CCDC148: variants seen among roughly 807,000 people sequenced by gnomAD.
CCDC148 encodes the protein coiled-coil domain-containing protein 148.
Under a neutral mutation model 85.7 loss-of-function variants are expected in CCDC148, and 89 were observed. The observed-to-expected ratio is 1.04, with a 90% confidence interval of 0.87 to 1.24. The LOEUF is 1.24. CCDC148 is among the 50% of genes most tolerant of loss of function. The pLI, the probability that CCDC148 is intolerant of heterozygous loss-of-function variation, is 0.00. For synonymous variants in CCDC148, 230 were observed against 213.9 expected, an observed-to-expected ratio of 1.08 and a Z score of -0.66; for missense variants, 692 against 671.7, an observed-to-expected ratio of 1.03 and a Z score of -0.33.
At chr2:158,199,933 T>G (rs544160265) in intron 11 of CCDC148, among the ~76,000 whole-genome samples, 1 of 152,234 alleles carries the variant, frequency 6.6e-6, no homozygotes, top group Non-Finnish European at 1.5e-5. Flanking sequence ...AATCAAATGT[T>G]CAGGTGAAAT....
At chr2:158,303,212 T>C (rs1394907365) in intron 9 of CCDC148, among the ~76,000 whole-genome samples, 1 of 152,220 alleles carries the variant, frequency 6.6e-6, no homozygotes, top group Non-Finnish European at 1.5e-5. Flanking sequence ...ATAGCTGGCA[T>C]ATTAGTTTTA....
At chr2:158,416,363 C>T (rs570621249) in intron 1 of CCDC148, among the ~76,000 whole-genome samples, 2 of 152,338 alleles carry the variant, frequency 1.3e-5, no homozygotes, top group East Asian at 3.9e-4. Flanking sequence ...CAAATTTTTG[C>T]AGCCAGCTGG....
At chr2:158,178,361 T>TACC (rs888081032) in intron 12 of CCDC148, among the ~76,000 whole-genome samples, 3 of 152,300 alleles carry the variant, frequency 2.0e-5, no homozygotes, top group Admixed American at 1.3e-4. Context: ...CCTTGCCATC[T>TACC]ACCATCCATT....
intron 10 of CCDC148, among the ~76,000 whole-genome samples, chr2:158,228,663 A>G (rs142406707): frequency 0.081 from 12,310 of 152,180 alleles, 686 homozygotes; most frequent in Non-Finnish European, 0.13. Flanking sequence ...TTGTAGGGAC[A>G]TGGATGAAGC....
intron 1 of CCDC148, among the ~76,000 whole-genome samples, chr2:158,419,594 G>C (rs1172357878): frequency 6.6e-6 from 1 of 152,142 alleles, no homozygotes; most frequent in Non-Finnish European, 1.5e-5. Flanking sequence ...TTGTATGCTT[G>C]TTTTGGAGAT....
At chr2:158,346,563 C>T (rs1394680762) in intron 2 of CCDC148, among the ~76,000 whole-genome samples, 3 of 152,204 alleles carry the variant, frequency 2.0e-5, no homozygotes, top group Non-Finnish European at 2.9e-5. Flanking sequence ...AACCGCTCTA[C>T]TCTAAATCCT....
chr2:158,331,097 T>A (rs146949880), intron 7 of CCDC148, among the ~76,000 whole-genome samples: 2,591 of 152,332 alleles, frequency 0.017, 79 homozygotes, highest in African/African-American at 0.059. Flanking sequence ...TTAATTGTGA[T>A]GTTAGGGTGC....
chr2:158,405,205 C>T (rs758015070), intron 1 of CCDC148, among the ~76,000 whole-genome samples: 5 of 152,076 alleles, frequency 3.3e-5, no homozygotes, highest in Non-Finnish European at 5.9e-5. Context: ...CAAGACTTCT[C>T]CTTGTATACA....
chr2:158,248,470 C>T (rs757345554), intron 10 of CCDC148, among the ~76,000 whole-genome samples: 2 of 151,996 alleles, frequency 1.3e-5, no homozygotes, highest in Non-Finnish European at 2.9e-5. Context: ...ATGCCTTGGT[C>T]CTACACAATT....
chr2:158,370,093 A>G (rs769382898), intron 1 of CCDC148, among the ~76,000 whole-genome samples: 14 of 151,988 alleles, frequency 9.2e-5, no homozygotes, highest in Non-Finnish European at 1.9e-4. Context: ...TTTTTACATC[A>G]ATATTCATCA....
intron 10 of CCDC148, among the ~76,000 whole-genome samples, chr2:158,248,262 G>A (rs1688647240): frequency 6.6e-6 from 1 of 152,082 alleles, no homozygotes; most frequent in Non-Finnish European, 1.5e-5. Context: ...AAATGGTACT[G>A]AGGAAGTTCT....
intron 1 of CCDC148, among the ~76,000 whole-genome samples, chr2:158,445,986 A>ATT: frequency 6.6e-6 from 1 of 152,224 alleles, no homozygotes; most frequent in Non-Finnish European, 1.5e-5. Context: ...TAGTCATTAA[A>ATT]ATAGACACTG....
intron 2 of CCDC148, among the ~76,000 whole-genome samples, chr2:158,352,315 T>C (rs1683355608): frequency 6.6e-6 from 1 of 151,652 alleles, no homozygotes; most frequent in African/African-American, 2.4e-5. Flanking sequence ...GGGAAAGAAG[T>C]TGAAAACTTT....
chr2:158,257,280 T>C (rs1689050465), intron 9 of CCDC148, among the ~76,000 whole-genome samples: 1 of 151,808 alleles, frequency 6.6e-6, no homozygotes, highest in African/African-American at 2.4e-5. Flanking sequence ...TTAGAGGACA[T>C]GTGTAAAAAC....
chr2:158,455,639 T>A (rs1688630142), intron 1 of CCDC148, among the ~76,000 whole-genome samples: 1 of 83,868 alleles, frequency 1.2e-5, no homozygotes, highest in African/African-American at 4.2e-5. Context: ...AGTAACATAG[T>A]CTCCTTACTA....
At chr2:158,272,336 G>A (rs1203953736) in intron 9 of CCDC148, among the ~76,000 whole-genome samples, 1 of 152,122 alleles carries the variant, frequency 6.6e-6, no homozygotes, top group Non-Finnish European at 1.5e-5. Flanking sequence ...TCTCATTGAT[G>A]GAGAAGAAGG....
intron 9 of CCDC148, among the ~76,000 whole-genome samples, chr2:158,309,078 GA>G (rs1429025705): frequency 6.6e-6 from 1 of 152,146 alleles, no homozygotes; most frequent in African/African-American, 2.4e-5. Context: ...ATGTGAATGA[GA>G]AGTCCAAGAG....
At chr2:158,333,009 G>T (rs369707140) in intron 7 of CCDC148, among the ~76,000 whole-genome samples, 1 of 151,856 alleles carries the variant, frequency 6.6e-6, no homozygotes, top group Non-Finnish European at 1.5e-5. Context: ...TTTTTTTGAA[G>T]GGTTTTTCTT....
chr2:158,203,336 G>A (rs1686066837), intron 11 of CCDC148, among the ~76,000 whole-genome samples: 1 of 152,060 alleles, frequency 6.6e-6, no homozygotes, highest in African/African-American at 2.4e-5. Flanking sequence ...AACTTCCTAA[G>A]CAATAAGCTT....
Sources: gnomAD v4.1 joint callset for allele counts (sites outside exome capture counted in the v4.1 genomes callset) on GRCh38, gnomAD v4.1.1 for gene constraint, MANE v1.5 for transcripts, NCBI Gene and HGNC (gene_info 2026-07-23, HGNC 2026-07-21) for gene names.